Variants in NSUN4 observed in about 807,000 individuals in gnomAD.
The protein encoded by NSUN4 is 5-cytosine rRNA methyltransferase NSUN4.
A neutral mutation model predicts 43.8 loss-of-function variants in NSUN4; 31 were observed. The observed-to-expected ratio is 0.71, with a 90% CI of 0.53 to 0.96. The LOEUF is 0.96. Among genes scored for constraint, NSUN4 ranks in the 40% least tolerant of loss-of-function variants. The pLI, the probability that NSUN4 is intolerant of heterozygous loss-of-function variation, is 0.00. For missense variants in NSUN4, 439 were observed against 475.6 expected, an observed-to-expected ratio of 0.92 and a Z score of 0.72; for synonymous variants, 167 against 184.1, an observed-to-expected ratio of 0.91 and a Z score of 0.75.
downstream of NSUN4, among the ~76,000 whole-genome samples, chr1:46,369,782 A>G (rs1040051081): frequency 5.9e-5 from 9 of 152,336 alleles, no homozygotes; most frequent in Middle Eastern, 3.4e-3. Context: ...AGCAGGCAGA[A>G]GCCAACCTAC....
intron 4 of NSUN4, among the ~76,000 whole-genome samples, chr1:46,359,788 G>T (rs1289157185): frequency 6.6e-6 from 1 of 151,686 alleles, no homozygotes; most frequent in Admixed American, 6.6e-5. Flanking sequence ...AATTTTTTTT[G>T]TGCAGGTGGG....
chr1:46,362,886 G>C lies in NSUN4; in HGVS notation c.*1040G>C, dbSNP rs1389211314. The C allele has an allele frequency of 6.6e-6, 1 of 151,942 alleles. No individual in the cohort carries two copies. Among genetic ancestry groups the C allele is most frequent in the Non-Finnish European group, 1.5e-5 (1 of 67,996 alleles). 9.4% of individuals were successfully genotyped at this position (151,942 alleles called of 1,614,324 possible). A position where few individuals can be genotyped will look rare whatever the true frequency, so the allele number is the denominator to read the frequency against. On this transcript the variant is annotated 3_prime_UTR_variant, in exon 6 of 6. Coordinates refer to ENST00000474844, the MANE Select transcript of NSUN4 (RefSeq NM_199044.4). ...TTCATCATTTACTGACTGCATACTC[G>C]ATATGTTGTTTTTGTAACTTTAGCC...
At chr1:46,346,551 CAA>C (rs10653801) in intron 2 of NSUN4, among the ~76,000 whole-genome samples, 4 of 82,592 alleles carry the variant, frequency 4.8e-5, no homozygotes, top group East Asian at 3.7e-4. Flanking sequence ...GACTGTGTCT[CAA>C]AAAAAAAAAA....
At chr1:46,351,531 A>G (rs1161798874) in intron 3 of NSUN4, among the ~76,000 whole-genome samples, 3 of 152,036 alleles carry the variant, frequency 2.0e-5, no homozygotes, top group African/African-American at 4.8e-5. Flanking sequence ...TTTTTTTAGA[A>G]ATAAATATTC....
rs1321900974 is a variant in NSUN4, at chr1:46,364,703, A to C, written c.*2857A>C. 2.0e-5 allele frequency: 3 copies of C among 152,230 alleles called. No individual in the cohort carries two copies. Among genetic ancestry groups the C allele is most frequent in the African/African-American group, 7.2e-5 (3 of 41,464 alleles). 9.4% of individuals were successfully genotyped at this position (152,230 alleles called of 1,614,324 possible). ...TAAGTAAATAAATAAATAAAGTCTG[A>C]AGCTCCACTGGTCACTCCTTTTATT... is the stretch of plus-strand genomic sequence containing the variant. On this transcript the variant is annotated 3_prime_UTR_variant, in exon 6 of 6. Transcript: ENST00000474844.
intron 1 of NSUN4, chr1:46,343,105 C>T: frequency 2.5e-6 from 1 of 399,338 alleles, no homozygotes; most frequent in Non-Finnish European, 4.4e-6. Flanking sequence ...ATAGGGCCCC[C>T]CTGCAATACC....
chr1:46,378,209 T>G, the NSUN4 span, among the ~76,000 whole-genome samples: 1 of 151,620 alleles, frequency 6.6e-6, no homozygotes. Flanking sequence ...AGATTTTTTT[T>G]TTTTTTTTTG....
intron 4 of NSUN4, among the ~76,000 whole-genome samples, chr1:46,353,698 T>C (rs1426274102): frequency 6.6e-6 from 1 of 152,016 alleles, no homozygotes; most frequent in African/African-American, 2.4e-5. Flanking sequence ...AGGCTGGTCT[T>C]GACCTCCTGA....
At chr1:46,361,341 T>C (rs1242382550) in intron 5 of NSUN4, among the ~76,000 whole-genome samples, 2 of 151,836 alleles carry the variant, frequency 1.3e-5, no homozygotes, top group Non-Finnish European at 2.9e-5. Flanking sequence ...GCTCAGGGGG[T>C]CATTGTAAGG....
intron 4 of NSUN4, among the ~76,000 whole-genome samples, chr1:46,359,625 A>G (rs1420191240): frequency 1.3e-5 from 2 of 148,876 alleles, no homozygotes; most frequent in African/African-American, 5.0e-5. Context: ...ATCTTGGCTC[A>G]CTGCAACCTC....
At chr1:46,379,811 CAGA>C in the NSUN4 span, among the ~76,000 whole-genome samples, 14 of 152,136 alleles carry the variant, frequency 9.2e-5, no homozygotes, top group Admixed American at 4.6e-4. Context: ...CCTCCCACAG[CAGA>C]AGAACAGAAG....
At chr1:46,375,968 TG>T in the NSUN4 span, among the ~76,000 whole-genome samples, 1 of 147,720 alleles carries the variant, frequency 6.8e-6, no homozygotes, top group African/African-American at 2.5e-5. Context: ...TAGCCGGGGG[TG>T]GTGGCACATG....
chr1:46,375,177 C>T, the NSUN4 span, among the ~76,000 whole-genome samples: 2 of 150,924 alleles, frequency 1.3e-5, no homozygotes, highest in Non-Finnish European at 3.0e-5. Flanking sequence ...GGCTCATGCC[C>T]GTAATCCCAA....
chr1:46,343,310 A>G (rs1662253207), intron 1 of NSUN4: 1 of 399,576 alleles, frequency 2.5e-6, no homozygotes, highest in Non-Finnish European at 4.4e-6. Context: ...CTTTGAGAAC[A>G]CCCTTTGATC....
the NSUN4 span, among the ~76,000 whole-genome samples, chr1:46,381,460 C>A: frequency 6.6e-6 from 1 of 152,136 alleles, no homozygotes; most frequent in African/African-American, 2.4e-5. Context: ...AACCCCTAGA[C>A]CCTTTTTGTA....
At chr1:46,372,495 A>G in the NSUN4 span, among the ~76,000 whole-genome samples, 1 of 151,844 alleles carries the variant, frequency 6.6e-6, no homozygotes, top group Non-Finnish European at 1.5e-5. Context: ...TTTCCACTTT[A>G]CTTCCCTTTT....
intron 4 of NSUN4, among the ~76,000 whole-genome samples, chr1:46,357,250 G>A (rs553429060): frequency 4.6e-5 from 7 of 152,266 alleles, no homozygotes; most frequent in African/African-American, 1.7e-4. Context: ...CACAATCTCG[G>A]CTCACTGCAA....
At chr1:46,369,087 C>G (rs1462316076), downstream of NSUN4, among the ~76,000 whole-genome samples, 1 of 152,194 alleles carries the variant, frequency 6.6e-6, no homozygotes, top group Non-Finnish European at 1.5e-5. Flanking sequence ...GTCTAAATGC[C>G]TTTTCCCTTG....
In NSUN4 at chr1:46,353,011, G is replaced by A; in HGVS notation, c.736G>A (p.Gly246Arg). The A allele has an allele frequency of 6.2e-7, 1 of 1,614,110 alleles. No homozygotes were observed. Among genetic ancestry groups the A allele is most frequent in the East Asian group, 2.2e-5 (1 of 44,886 alleles). The change falls in exon 4 of 6, where the codon GGG becomes AGG. Residue 246 changes from glycine (G) to arginine (R), a missense_variant. Physicochemically the swap from Gly to Arg is moderately radical, Grantham distance 125. Transcript: ENST00000474844. ...TGGCAGGAAATGGGGAGAACTGGAG[G>A]GGGACACCTATGACCGGGTGAGTGA... The part of the protein sequence containing the change: ...WDGRKWGELE[G>R]DTYDRVLVDV...
Sources: allele counts gnomAD v4.1 joint callset (sites outside exome capture counted in the v4.1 genomes callset), GRCh38; gene constraint gnomAD v4.1.1; transcripts MANE v1.5; gene names NCBI Gene and HGNC (gene_info 2026-07-23, HGNC 2026-07-21).